Variants in PC observed in about 807,000 individuals in gnomAD.
PC encodes pyruvate carboxylase.
Under a neutral mutation model 107.8 loss-of-function variants are expected in PC, and 46 were observed. The ratio of observed to expected loss-of-function variants is 0.43; its 90% confidence interval spans 0.34 to 0.55. PC has a LOEUF of 0.55. Among genes scored for constraint, PC ranks in the 20% least tolerant of loss-of-function variants. The probability of loss-of-function intolerance (pLI) is 0.04; values close to 1 mark genes in which losing one functional copy is unlikely to be tolerated. For synonymous variants in PC, 662 were observed against 684.7 expected (o/e 0.97, Z 0.52); for missense variants, 1,241 against 1,643.1 (o/e 0.76, Z 4.23).
At chr11:66,943,167 T>G (rs768491547) in intron 3 of PC, among the ~76,000 whole-genome samples, 1 of 151,838 alleles carries the variant, frequency 6.6e-6, no homozygotes, top group African/African-American at 2.4e-5. Flanking sequence ...TCCTGTTCTA[T>G]GAGTAGGATT....
chr11:66,885,962 A>AC (rs1330437645), intron 3 of PC, among the ~76,000 whole-genome samples: 17 of 151,940 alleles, frequency 1.1e-4, no homozygotes, highest in Non-Finnish European at 2.2e-4. Flanking sequence ...TGGTAAAAAT[A>AC]CCCCCCTCTC....
rs369402104 is a variant in PC, at chr11:66,861,138, C to T, written c.1368+2636G>A. Among the ~76,000 whole-genome samples the T allele has an allele frequency of 3.6e-3, 542 of 152,326 alleles. 6 individuals carry two copies. Among genetic ancestry groups the T allele is most frequent in the South Asian group, 0.022 (106 of 4,826 alleles). On this transcript the variant is annotated intron_variant, in intron 12 of 22. Transcript: ENST00000393960. ...CCTTCCTGGGAAGGCGGCCTTCGCCCTCCCTCGCTGCAGGGAGGCAGCCGG... is the reference window on the plus strand; with the variant it reads ...CCTTCCTGGGAAGGCGGCCTTCGCCTTCCCTCGCTGCAGGGAGGCAGCCGG...
chr11:66,910,113 G>T (rs1190033851), intron 3 of PC, among the ~76,000 whole-genome samples: 1 of 152,142 alleles, frequency 6.6e-6, no homozygotes, highest in Non-Finnish European at 1.5e-5. Context: ...ACACAAGCGG[G>T]GGGAGTAAGT....
At chr11:66,897,387 A>G (rs1295196879) in intron 3 of PC, among the ~76,000 whole-genome samples, 2 of 152,170 alleles carry the variant, frequency 1.3e-5, no homozygotes, top group Non-Finnish European at 2.9e-5. Flanking sequence ...TCTGGCCAAC[A>G]TGGCAAAACC....
intron 3 of PC, among the ~76,000 whole-genome samples, chr11:66,903,478 G>A (rs564692469): frequency 3.3e-5 from 5 of 151,348 alleles, no homozygotes; most frequent in African/African-American, 7.3e-5. Flanking sequence ...GGTGGCTCAC[G>A]CCTGTAATCC....
intron 3 of PC, among the ~76,000 whole-genome samples, chr11:66,945,128 C>A (rs138670422): frequency 8.6e-6 from 1 of 116,264 alleles, no homozygotes; most frequent in Non-Finnish European, 1.9e-5. Flanking sequence ...GGTAACCAGG[C>A]GTGATCAGAA....
At chr11:66,891,492 C>T (rs557630233) in intron 3 of PC, among the ~76,000 whole-genome samples, 118 of 152,126 alleles carry the variant, frequency 7.8e-4, no homozygotes, top group Non-Finnish European at 1.2e-3. Context: ...CTCCCGGGTT[C>T]GAGCGATTCT....
intron 3 of PC, among the ~76,000 whole-genome samples, chr11:66,906,144 G>A (rs567926383): frequency 5.3e-5 from 8 of 152,140 alleles, no homozygotes; most frequent in African/African-American, 9.7e-5. Context: ...AAGCTGACAC[G>A]GAAGCAACGG....
At chr11:66,891,225 T>G (rs1285993389) in intron 3 of PC, among the ~76,000 whole-genome samples, 1 of 151,178 alleles carries the variant, frequency 6.6e-6, no homozygotes, top group Non-Finnish European at 1.5e-5. Flanking sequence ...CCCAACTAAT[T>G]TTTTTTGTAT....
At chr11:66,935,070 C>A (rs745667094) in intron 3 of PC, among the ~76,000 whole-genome samples, 2 of 152,250 alleles carry the variant, frequency 1.3e-5, no homozygotes, top group Non-Finnish European at 2.9e-5. Context: ...GGCAAGGCCA[C>A]CTTGTCAGAT....
intron 12 of PC, among the ~76,000 whole-genome samples, chr11:66,855,876 C>T (rs114911709): frequency 0.02 from 3,039 of 152,362 alleles, 106 homozygotes; most frequent in African/African-American, 0.07. Context: ...GTGCCCAGGA[C>T]TACACTGCTG....
chr11:66,937,893 C>T (rs528894243), intron 3 of PC, among the ~76,000 whole-genome samples: 2 of 152,012 alleles, frequency 1.3e-5, no homozygotes, highest in Non-Finnish European at 2.9e-5. Context: ...TCTCCTGCCT[C>T]AGCCTCCTGA....
At chr11:66,950,492 TAAC>T (rs1253620450) in intron 3 of PC, among the ~76,000 whole-genome samples, 2 of 152,132 alleles carry the variant, frequency 1.3e-5, no homozygotes, top group Admixed American at 6.5e-5. Context: ...GCATAACACT[TAAC>T]AACACAACAA....
In PC at chr11:66,862,182, G is replaced by A. The variant is rs550327125; in HGVS notation, c.1368+1592C>T. Among the ~76,000 whole-genome samples the A allele has an allele frequency of 5.9e-5, 9 of 152,290 alleles. No homozygotes were observed. In the South Asian group the frequency reaches 1.9e-3, roughly 32 times the overall value. On this transcript the variant is annotated intron_variant, in intron 12 of 22. Coordinates refer to ENST00000393960, the MANE Select transcript of PC (RefSeq NM_001040716.2). Reference sequence around the variant, plus strand: ...AGGTGCAGGGGGAGCGCGTGATGTCGACAGCTGATGTCGCGACACACCTCT... The same window carrying A: ...AGGTGCAGGGGGAGCGCGTGATGTCAACAGCTGATGTCGCGACACACCTCT...
Position 66,858,963 on chromosome 11 carries a change from C to G in PC, c.1368+4811G>C, listed in dbSNP as rs532858753. On this transcript the variant is annotated intron_variant, in intron 12 of 22. Transcript: ENST00000393960. This position sits in a 1 kb window ranked among gnomAD's most constrained non-coding sequence, Gnocchi z 5.9. ...GGGTGAGGGGACGCTGGAGTCTGAGCCAGCCGTGCAGGTGACGGAGGTGAC... is the reference window on the plus strand; with the variant it reads ...GGGTGAGGGGACGCTGGAGTCTGAGGCAGCCGTGCAGGTGACGGAGGTGAC... 9 of 1,575,460 alleles carry G rather than the reference C, an allele frequency of 5.7e-6. No homozygotes were observed. The highest frequency in any genetic ancestry group is 4.6e-5 in the South Asian group (4 of 86,756).
chr11:66,873,503 ATAT>A (rs1464982285), intron 3 of PC, among the ~76,000 whole-genome samples: 1,818 of 8,388 alleles, frequency 0.22, 25 homozygotes, highest in South Asian at 0.39. Flanking sequence ...ATATTATATA[ATAT>A]TATATATTAT....
chr11:66,887,063 C>T (rs1335405343), intron 3 of PC, among the ~76,000 whole-genome samples: 1 of 152,200 alleles, frequency 6.6e-6, no homozygotes, highest in Non-Finnish European at 1.5e-5. Flanking sequence ...AAGGTCCTCT[C>T]GGCTCCACAG....
intron 3 of PC, among the ~76,000 whole-genome samples, chr11:66,886,590 G>A (rs528945999): frequency 2.6e-5 from 4 of 152,254 alleles, no homozygotes; most frequent in Non-Finnish European, 4.4e-5. Flanking sequence ...GAATAGGAAT[G>A]AAGAGGGACT....
chr11:66,870,733 C>T lies in PC; in HGVS notation c.751+42G>A, dbSNP rs1232855255. 6.4e-7 allele frequency: 1 copy of T among 1,565,424 alleles called. No individual in the cohort carries two copies. ...GGCACCAGGACTGGGCCTCTCAGCT[C>T]CCGCCTCCAGCTGCCCCAGGCGGGG... On this transcript the variant is annotated intron_variant, in intron 8 of 22. Coordinates refer to ENST00000393960, the MANE Select transcript of PC (RefSeq NM_001040716.2). This position sits in a 1 kb window ranked among gnomAD's most constrained non-coding sequence, Gnocchi z 6.1.
Sources: gnomAD v4.1 joint callset for allele counts (sites outside exome capture counted in the v4.1 genomes callset) on GRCh38, gnomAD v4.1.1 for gene constraint, Gnocchi (gnomAD v3.1) non-coding constraint, MANE v1.5 for transcripts, NCBI Gene and HGNC (gene_info 2026-07-23, HGNC 2026-07-21) for gene names.